The following PCNX2 variants were observed in gnomAD, a reference collection of about 807,000 sequenced individuals.
PCNX2 encodes pecanex 2.
Under a neutral mutation model 223.8 loss-of-function variants are expected in PCNX2, and 168 were observed. The ratio of observed to expected loss-of-function variants is 0.75; its 90% CI spans 0.66 to 0.85. The LOEUF (loss-of-function observed/expected upper bound fraction) is 0.85. PCNX2 is among the 40% of genes least tolerant of loss of function. The probability of loss-of-function intolerance (pLI) is 0.00; values close to 1 mark genes in which losing one functional copy is unlikely to be tolerated. For missense variants in PCNX2, 2,507 were observed against 2,675.5 expected, an observed-to-expected ratio of 0.94 and a Z score of 1.39; for synonymous variants, 1,006 against 1,052.6, an observed-to-expected ratio of 0.96 and a Z score of 0.86.
chr1:233,326,852 A>G, the PCNX2 span, among the ~76,000 whole-genome samples: 3 of 152,254 alleles, frequency 2.0e-5, no homozygotes, highest in Admixed American at 6.5e-5. Context: ...GCCATTGCCA[A>G]TGCTTCCTAA....
intron 28 of PCNX2, among the ~76,000 whole-genome samples, chr1:233,004,462 T>C (rs1201688020): frequency 6.8e-6 from 1 of 147,466 alleles, no homozygotes; most frequent in African/African-American, 2.5e-5. Flanking sequence ...AGTTTCTCCT[T>C]TTTTTTTTTT....
In PCNX2 at chr1:233,160,423, C is replaced by A. The variant is rs1419931658; in HGVS notation, c.3377G>T (p.Ser1126Ile). Residue 1126 changes from serine (S) to isoleucine (I), a missense_variant, in exon 19 of 34, where the codon AGC becomes ATC. By Grantham distance (142) the Ser-to-Ile change is moderately radical (BLOSUM62 -2). Coordinates refer to ENST00000258229, the MANE Select transcript of PCNX2 (RefSeq NM_014801.4). ...TCCAGCCAAGGCAAACAGCACGATG[C>A]TGAGAAATGGCTGCGATAAAAATGG... ...TVFLSLRPFL[S>I]IVLFALAGAV... The A allele has an allele frequency of 1.2e-6, 2 of 1,613,632 alleles. No individual in the cohort carries two copies. Among genetic ancestry groups the A allele is most frequent in the Non-Finnish European group, 1.7e-6 (2 of 1,179,640 alleles).
intron 1 of PCNX2, among the ~76,000 whole-genome samples, chr1:233,265,322 A>G (rs1660271967): frequency 6.6e-6 from 1 of 152,052 alleles, no homozygotes; most frequent in Admixed American, 6.6e-5. Flanking sequence ...CTAGTCAGCA[A>G]GGGTAGCAAA....
At chr1:233,288,756 G>A in intron 1 of PCNX2, 1 of 619,416 alleles carries the variant, frequency 1.6e-6, no homozygotes, top group Non-Finnish European at 2.8e-6. Context: ...AATCTGGAGG[G>A]ACTGAGTCTG....
intron 1 of PCNX2, among the ~76,000 whole-genome samples, chr1:233,285,365 TAAAATTA>T (rs1009779525): frequency 1.1e-4 from 16 of 151,686 alleles, no homozygotes; most frequent in Non-Finnish European, 1.8e-4. Context: ...GAAATAATAA[TAAAATTA>T]AAAATTAAAA....
chr1:233,138,503 A>G (rs7522112), intron 20 of PCNX2, among the ~76,000 whole-genome samples: 97,472 of 152,050 alleles, frequency 0.64, 33,267 homozygotes, highest in African/African-American at 0.89. Flanking sequence ...CTGAGGCTCT[A>G]CCTTGTTCTC....
At chr1:233,081,323 G>A (rs1673350843) in intron 23 of PCNX2, among the ~76,000 whole-genome samples, 1 of 152,152 alleles carries the variant, frequency 6.6e-6, no homozygotes, top group African/African-American at 2.4e-5. Context: ...TCCAGCCTGG[G>A]CTGTAAAGTG....
At chr1:233,069,655 A>C (rs1340433161) in intron 23 of PCNX2, among the ~76,000 whole-genome samples, 3 of 152,052 alleles carry the variant, frequency 2.0e-5, no homozygotes, top group Admixed American at 6.6e-5. Context: ...AACACACACA[A>C]AAAAAAGAAA....
the PCNX2 span, among the ~76,000 whole-genome samples, chr1:233,303,982 A>C: frequency 6.6e-6 from 1 of 152,196 alleles, no homozygotes; most frequent in Non-Finnish European, 1.5e-5. Flanking sequence ...CATTTAATGC[A>C]GTTGTAATAG....
At chr1:233,148,908 A>G (rs1677630265) in intron 19 of PCNX2, among the ~76,000 whole-genome samples, 1 of 152,254 alleles carries the variant, frequency 6.6e-6, no homozygotes, top group African/African-American at 2.4e-5. Context: ...GTGTAAGTCC[A>G]GAATTCTGAT....
chr1:233,296,304 T>G (rs1662118141), upstream of PCNX2, among the ~76,000 whole-genome samples: 1 of 152,180 alleles, frequency 6.6e-6, no homozygotes, highest in Admixed American at 6.5e-5. Flanking sequence ...TCCCTGACTG[T>G]TTCTCCTCCA....
the PCNX2 span, among the ~76,000 whole-genome samples, chr1:233,313,688 A>G: frequency 6.6e-6 from 1 of 152,234 alleles, no homozygotes; most frequent in Non-Finnish European, 1.5e-5. Flanking sequence ...ATAAGTTAGT[A>G]TACACAGACC....
intron 24 of PCNX2, 25 bp from the exon 25 acceptor site, chr1:233,054,508 C>A: frequency 6.4e-7 from 1 of 1,557,322 alleles, no homozygotes; most frequent in Non-Finnish European, 8.8e-7. Context: ...GAAATATGAT[C>A]AGTGAATGCC....
intron 8 of PCNX2, among the ~76,000 whole-genome samples, chr1:233,238,464 G>A (rs1201299273): frequency 1.3e-5 from 2 of 152,156 alleles, no homozygotes; most frequent in Non-Finnish European, 2.9e-5. Flanking sequence ...GGGGAGGCAG[G>A]AGGACTGCTT....
rs1474089128 is a variant in PCNX2, at chr1:233,000,958, T to C, written c.5098-423A>G. Among the ~76,000 whole-genome samples, 4 of 152,170 alleles carry C rather than the reference T, an allele frequency of 2.6e-5. No individual in the cohort carries two copies. Among genetic ancestry groups the C allele is most frequent in the African/African-American group, 9.6e-5 (4 of 41,452 alleles). ...TTAGTTACCTAAGTAATAAACCCAC[T>C]TACAGTGCTGTGCAGAGAAAGGAGA... On this transcript the variant is annotated intron_variant, in intron 29 of 33. Coordinates refer to ENST00000258229, the MANE Select transcript of PCNX2 (RefSeq NM_014801.4). This position sits in a 1 kb window ranked among gnomAD's most constrained non-coding sequence, Gnocchi z 4.6.
chr1:233,205,315 C>T (rs1321058073), intron 13 of PCNX2, among the ~76,000 whole-genome samples: 1 of 152,186 alleles, frequency 6.6e-6, no homozygotes, highest in African/African-American at 2.4e-5. Flanking sequence ...CTGAGTTAAA[C>T]GGTCCAAATG....
intron 8 of PCNX2, among the ~76,000 whole-genome samples, chr1:233,238,890 C>T (rs1658585919): frequency 6.6e-6 from 1 of 152,100 alleles, no homozygotes; most frequent in African/African-American, 2.4e-5. Context: ...TTAATGTTTG[C>T]TCCTAAAATA....
chr1:233,026,628 C>T (rs920775822), intron 25 of PCNX2, among the ~76,000 whole-genome samples: 1 of 152,104 alleles, frequency 6.6e-6, no homozygotes, highest in Non-Finnish European at 1.5e-5. Context: ...ATTCTGGATA[C>T]ATTTGAAAGC....
rs560074083 is a variant in PCNX2 at position 233,126,946 on chromosome 1, G to A, written c.3837+8067C>T. Among the ~76,000 whole-genome samples, 8 of 151,912 alleles carry A rather than the reference G, an allele frequency of 5.3e-5. No homozygotes were observed. The East Asian group carries it at 7.7e-4, about 15-fold the overall frequency. On this transcript the variant is annotated intron_variant, in intron 21 of 33. Coordinates refer to ENST00000258229, the MANE Select transcript of PCNX2 (RefSeq NM_014801.4). The surrounding 1 kb of genome is among the most constrained non-coding windows in gnomAD (Gnocchi z 4.8). Reference sequence around the variant, plus strand: ...TTTCACCTGCACTGCACTCTCCCCCGTATCTATCTGATCACTAAACGTAAT... The same window carrying A: ...TTTCACCTGCACTGCACTCTCCCCCATATCTATCTGATCACTAAACGTAAT...
Sources: gnomAD v4.1 joint callset for allele counts (sites outside exome capture counted in the v4.1 genomes callset) on GRCh38, gnomAD v4.1.1 for gene constraint, Gnocchi (gnomAD v3.1) non-coding constraint, MANE v1.5 for transcripts, NCBI Gene and HGNC (gene_info 2026-07-23, HGNC 2026-07-21) for gene names.